The following UNC13B variants were observed in gnomAD, a reference collection of about 807,000 sequenced individuals.
UNC13B encodes the protein protein unc-13 homolog B.
UNC13B carries 144 observed loss-of-function variants against 211.0 expected under a neutral mutation model. That is an observed-to-expected ratio of 0.68 (90% CI 0.60 to 0.78). The LOEUF is 0.78. UNC13B is among the 30% of genes least tolerant of loss of function. The probability of loss-of-function intolerance (pLI) is 0.00; values close to 1 mark genes in which losing one functional copy is unlikely to be tolerated. For missense variants in UNC13B, 1,777 were observed against 2,002.0 expected (o/e 0.89, Z 2.14); for synonymous variants, 709 against 725.8 (o/e 0.98, Z 0.37).
At chr9:35,375,227 G>C (rs1564176594) in intron 14 of UNC13B, 26 bp downstream of exon 14, 1 of 1,612,476 alleles carries the variant, frequency 6.2e-7, no homozygotes, top group Admixed American at 1.7e-5. Context: ...GCTTTCGTAA[G>C]TCCACTGGCC....
At chr9:35,204,630 C>T (rs1438228763) in intron 1 of UNC13B, among the ~76,000 whole-genome samples, 1 of 152,202 alleles carries the variant, frequency 6.6e-6, no homozygotes, top group Non-Finnish European at 1.5e-5. Flanking sequence ...TGACTGCCTA[C>T]TGGGTTTGGG....
intron 1 of UNC13B, among the ~76,000 whole-genome samples, chr9:35,193,189 A>C (rs1045810021): frequency 6.6e-6 from 1 of 152,174 alleles, no homozygotes; most frequent in African/African-American, 2.4e-5. Flanking sequence ...CAATTGTTGC[A>C]CTTCCCTCCT....
chr9:35,258,942 C>G, intron 6 of UNC13B, 51 bp from the exon 7 acceptor site: 4 of 1,577,578 alleles, frequency 2.5e-6, no homozygotes, highest in Non-Finnish European at 3.4e-6. Context: ...CCTGTCTTTA[C>G]TTGGGCTTCT....
At chr9:35,393,621 G>T (rs1456211370) in intron 26 of UNC13B, among the ~76,000 whole-genome samples, 1 of 148,770 alleles carries the variant, frequency 6.7e-6, no homozygotes, top group Non-Finnish European at 1.5e-5. Context: ...ACCCAGGCTG[G>T]AGTGCAGTGG....
intron 9 of UNC13B, 67 bp from the exon 10 acceptor site, chr9:35,310,400 C>T: frequency 6.6e-7 from 1 of 1,512,586 alleles, no homozygotes; most frequent in Non-Finnish European, 9.0e-7. Context: ...TCCTGGATGT[C>T]TCCTTTCTTT....
chr9:35,345,968 C>G (rs568137442), intron 11 of UNC13B, among the ~76,000 whole-genome samples: 1 of 152,164 alleles, frequency 6.6e-6, no homozygotes, highest in Non-Finnish European at 1.5e-5. Flanking sequence ...TGGGGCTGCT[C>G]TTAATGCTGA....
chr9:35,310,227 A>C (rs1305270695), intron 9 of UNC13B, among the ~76,000 whole-genome samples: 1 of 152,224 alleles, frequency 6.6e-6, no homozygotes. Flanking sequence ...CTTCAAAGTC[A>C]AGTGCAGAAC....
chr9:35,248,535 C>T (rs1327696920), intron 6 of UNC13B, among the ~76,000 whole-genome samples: 1 of 151,994 alleles, frequency 6.6e-6, no homozygotes, highest in Non-Finnish European at 1.5e-5. Context: ...GAATGTGTCC[C>T]AGAGATTCTG....
intron 7 of UNC13B, among the ~76,000 whole-genome samples, chr9:35,289,801 A>G (rs1340025687): frequency 6.6e-6 from 1 of 151,904 alleles, no homozygotes; most frequent in Non-Finnish European, 1.5e-5. Context: ...ACATGGTGAA[A>G]CCCTGTCTCT....
At position 35,380,802 on chromosome 9, in the gene UNC13B, GAGTGGC is replaced by G. The variant is rs878938319; in HGVS notation, c.10375+170_10375+175del. ...CTGTGGGGAGGGATGGGGGACAGAG[GAGTGGC>G]AGTGGCTGTGAGTCACTCTGGCTGA... is the stretch of plus-strand genomic sequence containing the variant. On this transcript the variant is annotated intron_variant, in intron 18 of 39. Coordinates refer to ENST00000635942, the MANE Select transcript of UNC13B (RefSeq NM_001371189.2). Among the ~76,000 whole-genome samples the G allele has an allele frequency of 2.0e-5, 3 of 152,206 alleles. No individual in the cohort carries two copies. The South Asian group carries it at 6.2e-4, about 32-fold the overall frequency.
At chr9:35,261,317 A>G (rs1362440006) in intron 7 of UNC13B, among the ~76,000 whole-genome samples, 1 of 152,204 alleles carries the variant, frequency 6.6e-6, no homozygotes, top group Non-Finnish European at 1.5e-5. Flanking sequence ...TGTTTCTGCT[A>G]AGAGCTAGGA....
At chr9:35,251,177 G>C (rs1826457464) in intron 6 of UNC13B, among the ~76,000 whole-genome samples, 1 of 151,850 alleles carries the variant, frequency 6.6e-6, no homozygotes, top group African/African-American at 2.4e-5. Context: ...TGTTAGCCAG[G>C]ACGGTCTCGA....
chr9:35,312,199 C>T (rs1264891649), intron 10 of UNC13B, among the ~76,000 whole-genome samples: 1 of 152,186 alleles, frequency 6.6e-6, no homozygotes, highest in Non-Finnish European at 1.5e-5. Context: ...ATAATAAAGC[C>T]TCTCACTGAA....
chr9:35,392,940 T>G (rs1046649399), intron 26 of UNC13B, among the ~76,000 whole-genome samples: 4 of 152,170 alleles, frequency 2.6e-5, no homozygotes, highest in African/African-American at 9.7e-5. Context: ...AGAATACAAT[T>G]TAATGAGTTT....
chr9:35,310,682 A>T lies in UNC13B; in HGVS notation c.9224A>T (p.Glu3075Val). Reference sequence around the variant, plus strand: ...GAGGTGACAGGTCAAGCAGAGAAGGAGGCAGCATGTGAACCCAAGGAGATG... The same window carrying T: ...GAGGTGACAGGTCAAGCAGAGAAGGTGGCAGCATGTGAACCCAAGGAGATG... ...PLEVTGQAEKEAACEPKEMKE... is the reference protein window; with the variant it reads ...PLEVTGQAEKVAACEPKEMKE... The change falls in exon 10 of 40, where the codon GAG becomes GTG. Residue 3075 changes from glutamate (E) to valine (V), a missense_variant. By Grantham distance (121) the Glu-to-Val change is moderately radical. Coordinates refer to ENST00000635942, the MANE Select transcript of UNC13B (RefSeq NM_001371189.2). 1 of 1,613,962 alleles carries T rather than the reference A, an allele frequency of 6.2e-7. No individual in the cohort carries two copies. Among genetic ancestry groups the T allele is most frequent in the Non-Finnish European group, 8.5e-7 (1 of 1,179,998 alleles).
At chr9:35,381,821 G>C in intron 20 of UNC13B, 102 bp downstream of exon 20, 2 of 1,425,094 alleles carry the variant, frequency 1.4e-6, no homozygotes, top group Non-Finnish European at 1.9e-6. Flanking sequence ...GTAGCATGCA[G>C]TGATTCCTTT....
At chr9:35,173,569 C>A (rs111421459) in intron 1 of UNC13B, among the ~76,000 whole-genome samples, 3,243 of 151,846 alleles carry the variant, frequency 0.021, 65 homozygotes, top group Non-Finnish European at 0.033. Context: ...GATTACAGGC[C>A]CTCACCACCA....
At chr9:35,331,484 C>T (rs1011793763) in intron 11 of UNC13B, among the ~76,000 whole-genome samples, 2 of 152,110 alleles carry the variant, frequency 1.3e-5, no homozygotes, top group East Asian at 1.9e-4. Flanking sequence ...TGGCCTCAAG[C>T]GATCTGCCTG....
rs1828222989 is a variant in UNC13B, at chr9:35,277,143, CT to C, written c.526+18094del. Among the ~76,000 whole-genome samples the C allele has an allele frequency of 2.0e-5, 3 of 152,118 alleles. No homozygotes were observed. In the South Asian group the frequency reaches 6.2e-4, roughly 32 times the overall value. ...GGGAGTGACGCTTGGTTGTTTGCCC[CT>C]GAGGGACCTCATCCCATCCAGGTTT... On this transcript the variant is annotated intron_variant, in intron 7 of 39. Transcript: ENST00000635942.
Sources: allele counts gnomAD v4.1 joint callset (sites outside exome capture counted in the v4.1 genomes callset), GRCh38; gene constraint gnomAD v4.1.1; transcripts MANE v1.5; gene names NCBI Gene and HGNC (gene_info 2026-07-23, HGNC 2026-07-21).